LEF1: variants seen among roughly 807,000 people sequenced by gnomAD.
The protein encoded by LEF1 is lymphoid enhancer-binding factor 1.
Under a neutral mutation model 51.2 loss-of-function variants are expected in LEF1, and 14 were observed. That is an observed-to-expected ratio of 0.27 (90% CI 0.18 to 0.43). The LOEUF (loss-of-function observed/expected upper bound fraction) is 0.43, where lower values mean the gene tolerates loss of function less well. LEF1 is among the 20% of genes least tolerant of loss of function. The pLI, the probability that LEF1 is intolerant of heterozygous loss-of-function variation, is 1.00. For synonymous variants in LEF1, 185 were observed against 183.2 expected (o/e 1.01, Z -0.08); for missense variants, 386 against 512.0 (o/e 0.75, Z 2.37).
In LEF1 at chr4:108,129,957, A is replaced by G. The variant is rs559213164; in HGVS notation, c.414+33611T>C. ...AATGGTGTCTATTTAGGAAAGAAAC[A>G]TGGTCCTCTTAAGCTGTGTTATGAG... is the stretch of plus-strand genomic sequence containing the variant. On this transcript the variant is annotated intron_variant, in intron 3 of 11. Coordinates refer to ENST00000265165, the MANE Select transcript of LEF1 (RefSeq NM_016269.5). Among the ~76,000 whole-genome samples the G allele has an allele frequency of 1.6e-4, 25 of 152,196 alleles. 1 individual carries two copies. The highest frequency in any genetic ancestry group is 3.2e-4 in the Non-Finnish European group (22 of 68,026).
At chr4:108,163,723 T>C in intron 2 of LEF1, 22 bp from the exon 3 acceptor site, 1 of 1,611,158 alleles carries the variant, frequency 6.2e-7, no homozygotes, top group Non-Finnish European at 8.5e-7. Context: ...CAAAGAACAA[T>C]CAATGATGCA....
chr4:108,105,141 A>C (rs570659498), intron 3 of LEF1, among the ~76,000 whole-genome samples: 1 of 151,418 alleles, frequency 6.6e-6, no homozygotes, highest in Non-Finnish European at 1.5e-5. Flanking sequence ...ACATTTAAAA[A>C]CACTGCTTTT....
rs74818139 is a variant in LEF1, at chr4:108,053,061, T to G, written c.*7-4310A>C. On this transcript the variant is annotated intron_variant, in intron 11 of 11. Coordinates refer to ENST00000265165, the MANE Select transcript of LEF1 (RefSeq NM_016269.5). Reference sequence around the variant, plus strand: ...ACCTTGGAACTAAATTATCATTCACTTTCTTCTCTCCTTCCTACCTTCCAT... The same window carrying G: ...ACCTTGGAACTAAATTATCATTCACGTTCTTCTCTCCTTCCTACCTTCCAT... 1.9e-3 allele frequency among the ~76,000 whole-genome samples: 283 copies of G among 152,256 alleles called. 4 individuals carry two copies. In the East Asian group the frequency reaches 0.049, roughly 27 times the overall value.
At chr4:108,065,357 C>T (rs999986858) in intron 9 of LEF1, among the ~76,000 whole-genome samples, 21 of 152,258 alleles carry the variant, frequency 1.4e-4, no homozygotes, top group African/African-American at 2.9e-4. Flanking sequence ...TGGTGGCGTG[C>T]GCCTGTAATC....
chr4:108,123,853 T>G (rs999218899), intron 3 of LEF1, among the ~76,000 whole-genome samples: 5 of 152,072 alleles, frequency 3.3e-5, no homozygotes, highest in African/African-American at 1.2e-4. Context: ...ATCAAAAACT[T>G]TTCTGGGCCA....
intron 3 of LEF1, among the ~76,000 whole-genome samples, chr4:108,144,068 G>C (rs1276560007): frequency 6.6e-6 from 1 of 152,136 alleles, no homozygotes; most frequent in Non-Finnish European, 1.5e-5. Flanking sequence ...AGGAGTGGGG[G>C]AAGCAAGCCG....
chr4:108,151,703 GGTTTAGAACA>G (rs370040212), intron 3 of LEF1, among the ~76,000 whole-genome samples: 9 of 152,024 alleles, frequency 5.9e-5, no homozygotes, highest in African/African-American at 2.2e-4. Flanking sequence ...GCACAGAAGG[GGTTTAGAACA>G]GTTCCTGGCA....
chr4:108,054,663 GA>G (rs984194278), intron 11 of LEF1, among the ~76,000 whole-genome samples: 3 of 152,150 alleles, frequency 2.0e-5, no homozygotes, highest in Admixed American at 6.5e-5. Flanking sequence ...ACTTCTGGTA[GA>G]AAATTAAGAC....
chr4:108,140,510 C>T (rs1743574673), intron 3 of LEF1, among the ~76,000 whole-genome samples: 1 of 152,166 alleles, frequency 6.6e-6, no homozygotes. Flanking sequence ...ATCTGTAACT[C>T]AAAGCAGCTC....
chr4:108,133,208 G>A (rs1229809065), intron 3 of LEF1, among the ~76,000 whole-genome samples: 3 of 152,112 alleles, frequency 2.0e-5, no homozygotes, highest in East Asian at 1.9e-4. Context: ...TCATGACCTC[G>A]TGATCCGCCC....
chr4:108,064,899 T>G (rs916368146), intron 9 of LEF1, among the ~76,000 whole-genome samples: 1 of 152,050 alleles, frequency 6.6e-6, no homozygotes, highest in Admixed American at 6.6e-5. Context: ...GTGAATTCCA[T>G]TGTCTGATTA....
At chr4:108,104,846 A>G (rs146594880) in intron 3 of LEF1, 2,043 of 184,438 alleles carry the variant, frequency 0.011, 14 homozygotes, top group Non-Finnish European at 0.016. Context: ...GTGAACTGAC[A>G]GCTAGGAGTT....
chr4:108,163,480 C>T, intron 3 of LEF1, 88 bp downstream of exon 3: 1 of 1,406,240 alleles, frequency 7.1e-7, no homozygotes. Flanking sequence ...AAAGCATTAC[C>T]AATGAGTTTG....
intron 6 of LEF1, among the ~76,000 whole-genome samples, chr4:108,079,853 GA>G (rs1739169715): frequency 6.6e-6 from 1 of 151,774 alleles, no homozygotes; most frequent in Non-Finnish European, 1.5e-5. Flanking sequence ...GGAATTTCAC[GA>G]AAAGTAATTA....
Position 108,167,733 on chromosome 4 carries a change from C to G in LEF1, c.35G>C (p.Gly12Ala), listed in dbSNP as rs774434854. ...CGTGGCGCAGAGTTCCGGGTCCCCCCCGCCGCCGCCACCTCCTCCGGAGAG... is the reference window on the plus strand; with the variant it reads ...CGTGGCGCAGAGTTCCGGGTCCCCCGCGCCGCCGCCACCTCCTCCGGAGAG... ...PQLSGGGGGG[G>A]GDPELCATDE... Residue 12 changes from glycine to alanine, a missense_variant, in exon 1 of 12, where the codon GGG becomes GCG. Gly to Ala is a moderately conservative substitution (Grantham distance 60, BLOSUM62 0). Around this residue, in one of 2 missense-constraint regions of LEF1, gnomAD observed 335 missense variants for 390.7 expected, o/e 0.86. Coordinates refer to ENST00000265165, the MANE Select transcript of LEF1 (RefSeq NM_016269.5). This position sits in a 1 kb window ranked among gnomAD's most constrained non-coding sequence, Gnocchi z 5.7. 1.2e-4 allele frequency: 190 copies of G among 1,613,476 alleles called. No homozygotes were observed. The Middle Eastern group carries it at 1.2e-3, about 10-fold the overall frequency.
At chr4:108,124,686 G>A (rs189174747) in intron 3 of LEF1, among the ~76,000 whole-genome samples, 144 of 152,176 alleles carry the variant, frequency 9.5e-4, no homozygotes, top group Middle Eastern at 3.4e-3. Flanking sequence ...TTGCTTTAGC[G>A]AAACATCCAA....
At chr4:108,072,420 T>A (rs886726697) in intron 8 of LEF1, among the ~76,000 whole-genome samples, 1 of 152,226 alleles carries the variant, frequency 6.6e-6, no homozygotes, top group African/African-American at 2.4e-5. Context: ...CAACCACCAG[T>A]GCGAGAAGCA....
At chr4:108,073,586 T>A (rs532638528) in intron 8 of LEF1, among the ~76,000 whole-genome samples, 2 of 152,320 alleles carry the variant, frequency 1.3e-5, no homozygotes, top group African/African-American at 4.8e-5. Context: ...TGTATCAGTA[T>A]AGTTTTACGT....
intron 11 of LEF1, among the ~76,000 whole-genome samples, chr4:108,054,630 A>G (rs1737206909): frequency 6.6e-6 from 1 of 152,246 alleles, no homozygotes; most frequent in Non-Finnish European, 1.5e-5. Context: ...CGGGGCAGCA[A>G]GCAAGATTCA....
Sources: allele counts gnomAD v4.1 joint callset (sites outside exome capture counted in the v4.1 genomes callset), GRCh38; gene constraint gnomAD v4.1.1; regional missense constraint gnomAD v4.1.1; non-coding constraint Gnocchi (gnomAD v3.1); transcripts MANE v1.5; gene names NCBI Gene and HGNC (gene_info 2026-07-23, HGNC 2026-07-21).